NAV2: variants seen among roughly 807,000 people sequenced by gnomAD.
NAV2 encodes neuron navigator 2, also known as helicase, APC down-regulated 1.
NAV2 carries 54 observed loss-of-function variants against 223.2 expected under a neutral mutation model. The observed-to-expected ratio is 0.24, with a 90% CI of 0.19 to 0.30. The LOEUF is 0.30. Ranked by LOEUF, NAV2 falls within the 10% of genes least tolerant of loss-of-function variation. The pLI, the probability that NAV2 is intolerant of heterozygous loss-of-function variation, is 1.00. For synonymous variants in NAV2, 1,279 were observed against 1,239.3 expected, an observed-to-expected ratio of 1.03 and a Z score of -0.67; for missense variants, 2,806 against 3,147.5, an observed-to-expected ratio of 0.89 and a Z score of 2.60.
At chr11:19,688,851 G>A (rs956852390) in intron 1 of NAV2, among the ~76,000 whole-genome samples, 15 of 152,138 alleles carry the variant, frequency 9.9e-5, no homozygotes, top group African/African-American at 2.9e-4. Flanking sequence ...GGATAGTCTC[G>A]GGTTGTGCCT....
At chr11:19,385,089 G>C (rs1262866569) in intron 1 of NAV2, 1 of 152,166 alleles carries the variant, frequency 6.6e-6, no homozygotes, top group African/African-American at 2.4e-5. Flanking sequence ...AAGTTCCACA[G>C]CCTTGATAAT....
Position 20,006,675 on chromosome 11 carries a change from CAAAT to C in NAV2, c.2768+22453_2768+22456del, listed in dbSNP as rs112326547. 7.1e-4 allele frequency among the ~76,000 whole-genome samples: 107 copies of C among 150,804 alleles called. 1 individual carries two copies. The highest frequency in any genetic ancestry group is 1.9e-3 in the African/African-American group (79 of 40,860). On this transcript the variant is annotated intron_variant, in intron 11 of 37. Coordinates refer to ENST00000349880, the MANE Select transcript of NAV2 (RefSeq NM_145117.5). ...GGGCGACAAGAGCAAAACTCCATCT[CAAAT>C]AAATAAATAAATAAATAAATAAATT...
intron 1 of NAV2, among the ~76,000 whole-genome samples, chr11:19,673,847 CA>C (rs1047413994): frequency 1.3e-5 from 2 of 152,180 alleles, no homozygotes. Context: ...CCAGGGTGAG[CA>C]AGCCCTATTA....
chr11:19,747,570 G>A (rs1565247381), intron 1 of NAV2, among the ~76,000 whole-genome samples: 1 of 152,154 alleles, frequency 6.6e-6, no homozygotes, highest in Non-Finnish European at 1.5e-5. Flanking sequence ...AAGCAACCAG[G>A]AGTGGAAGGG....
chr11:19,429,418 G>T, intron 1 of NAV2, among the ~76,000 whole-genome samples: 1 of 152,328 alleles, frequency 6.6e-6, no homozygotes, highest in Middle Eastern at 3.4e-3. Flanking sequence ...TGGCCTGGGG[G>T]TCAGGAGATT....
At chr11:19,396,918 T>A (rs1849472151) in intron 1 of NAV2, among the ~76,000 whole-genome samples, 1 of 152,214 alleles carries the variant, frequency 6.6e-6, no homozygotes, top group Admixed American at 6.5e-5. Context: ...GTGGATTCCC[T>A]TAAAGTGAGG....
intron 1 of NAV2, among the ~76,000 whole-genome samples, chr11:19,441,779 G>A (rs1564938551): frequency 6.6e-6 from 1 of 152,214 alleles, no homozygotes; most frequent in Non-Finnish European, 1.5e-5. Context: ...TCAGCAGGGA[G>A]CCAGGGGCTG....
At chr11:19,697,317 CTGT>C (rs910583099) in intron 1 of NAV2, among the ~76,000 whole-genome samples, 2 of 151,986 alleles carry the variant, frequency 1.3e-5, no homozygotes, top group Non-Finnish European at 2.9e-5. Context: ...GAAGAAACAC[CTGT>C]TGGGTTCTAT....
rs2056099019 is a variant in NAV2 at position 19,775,689 on chromosome 11, G to C, written c.268-56795G>C. Among the ~76,000 whole-genome samples, 4 of 152,320 alleles carry C rather than the reference G, an allele frequency of 2.6e-5. No individual in the cohort carries two copies. In the South Asian group the frequency reaches 8.3e-4, roughly 32 times the overall value. ...ATGGAGTGGAAGAGAGTGTGGGAACGAGAAGTTTCAACATTAGGAGTCAGA... is the reference window on the plus strand; with the variant it reads ...ATGGAGTGGAAGAGAGTGTGGGAACCAGAAGTTTCAACATTAGGAGTCAGA... On this transcript the variant is annotated intron_variant, in intron 1 of 37. Transcript: ENST00000349880.
In NAV2 at chr11:19,948,938, G is replaced by A. The variant is rs756677446; in HGVS notation, c.2503G>A (p.Gly835Ser). 3.7e-6 allele frequency: 6 copies of A among 1,613,900 alleles called. No homozygotes were observed. Among genetic ancestry groups the A allele is most frequent in the Non-Finnish European group, 5.1e-6 (6 of 1,179,926 alleles). ...APLRRQLASR[G>S]SSVCHVDVSD... ...TCTGAGAAGGCAGCTGGCCTCCCGG[G>A]GCAGTAGTGTCTGCCATGTGGACGT... Residue 835 changes from glycine (G) to serine (S), a missense_variant, in exon 10 of 38, where the codon GGC becomes AGC. Coordinates refer to ENST00000349880, the MANE Select transcript of NAV2 (RefSeq NM_145117.5).
chr11:19,359,469 G>A (rs982876372), intron 1 of NAV2, among the ~76,000 whole-genome samples: 2 of 152,182 alleles, frequency 1.3e-5, no homozygotes, highest in Admixed American at 6.5e-5. Context: ...TGGCTCAGAT[G>A]TACCCAAAAG....
At position 19,363,260 on chromosome 11, in the gene NAV2, C is replaced by T. The variant is rs139644894; in HGVS notation, c.75+12233C>T. On this transcript the variant is annotated intron_variant, in intron 1 of 37. Coordinates refer to the NAV2 transcript ENST00000360655. The stretch of plus-strand genomic sequence containing the variant: ...GGCTTTCTGTTCCTGTGTTAGGTTG[C>T]TGAGAATGATGGTTTCCAGCTTCAT... 1.9e-3 allele frequency among the ~76,000 whole-genome samples: 285 copies of T among 152,278 alleles called. 1 individual carries two copies. Among genetic ancestry groups the T allele is most frequent in the African/African-American group, 6.6e-3 (273 of 41,546 alleles).
chr11:19,490,964 C>T (rs2042605837), intron 1 of NAV2, among the ~76,000 whole-genome samples: 1 of 152,110 alleles, frequency 6.6e-6, no homozygotes, highest in South Asian at 2.1e-4. Flanking sequence ...TATCCTTGTA[C>T]ACCTCCATCA....
intron 1 of NAV2, among the ~76,000 whole-genome samples, chr11:19,775,622 A>C (rs901618789): frequency 6.6e-6 from 1 of 152,234 alleles, no homozygotes; most frequent in Non-Finnish European, 1.5e-5. Context: ...AGGTTAGCTA[A>C]GTTAACTCAG....
At chr11:19,662,817 TC>T (rs1192628147) in intron 1 of NAV2, among the ~76,000 whole-genome samples, 2 of 152,268 alleles carry the variant, frequency 1.3e-5, no homozygotes, top group African/African-American at 4.8e-5. Context: ...TGGCTACTTT[TC>T]CTGGGCTGCA....
At chr11:19,611,957 C>T (rs988663178) in intron 1 of NAV2, among the ~76,000 whole-genome samples, 9 of 152,216 alleles carry the variant, frequency 5.9e-5, no homozygotes, top group Non-Finnish European at 8.8e-5. Flanking sequence ...AGGGCACTGC[C>T]CCTGCAGCAA....
chr11:19,801,698 A>C (rs1038012899), intron 1 of NAV2, among the ~76,000 whole-genome samples: 1 of 152,190 alleles, frequency 6.6e-6, no homozygotes, highest in Non-Finnish European at 1.5e-5. Flanking sequence ...GTGACAAAGA[A>C]GGGCAGTCTC....
chr11:19,642,593 G>T (rs1440014148), intron 1 of NAV2, among the ~76,000 whole-genome samples: 1 of 152,134 alleles, frequency 6.6e-6, no homozygotes. Flanking sequence ...GATGTGCCAA[G>T]GCGCTGTACA....
chr11:20,020,409 C>A (rs987943411), intron 11 of NAV2, among the ~76,000 whole-genome samples: 6 of 152,250 alleles, frequency 3.9e-5, no homozygotes, highest in African/African-American at 1.4e-4. Context: ...CAGAGCAATC[C>A]TGGCTCTTGA....
Sources: gnomAD v4.1 joint callset for allele counts (sites outside exome capture counted in the v4.1 genomes callset) on GRCh38, gnomAD v4.1.1 for gene constraint, MANE v1.5 for transcripts, NCBI Gene and HGNC (gene_info 2026-07-23, HGNC 2026-07-21) for gene names.